PPARGC1A: variants seen among roughly 807,000 people sequenced by gnomAD.
The protein encoded by PPARGC1A is peroxisome proliferator-activated receptor gamma coactivator 1-alpha.
PPARGC1A carries 25 observed loss-of-function variants against 88.7 expected under a neutral mutation model. That is an observed-to-expected ratio of 0.28 (90% CI 0.21 to 0.39). PPARGC1A has a LOEUF of 0.39. Among genes scored for constraint, PPARGC1A ranks in the 10% least tolerant of loss-of-function variants. The pLI, the probability that PPARGC1A is intolerant of heterozygous loss-of-function variation, is 1.00. For missense variants in PPARGC1A, 880 were observed against 968.7 expected (o/e 0.91, Z 1.22); for synonymous variants, 363 against 355.6 (o/e 1.02, Z -0.24).
chr4:23,833,007 A>G (rs1470811749), intron 2 of PPARGC1A, among the ~76,000 whole-genome samples: 7 of 152,176 alleles, frequency 4.6e-5, no homozygotes, highest in African/African-American at 1.7e-4. Flanking sequence ...CTAATCTTCA[A>G]TCATTCACTT....
the PPARGC1A span, among the ~76,000 whole-genome samples, chr4:24,131,271 CT>C: frequency 6.6e-6 from 1 of 152,134 alleles, no homozygotes; most frequent in East Asian, 1.9e-4. Flanking sequence ...ATATCTAACA[CT>C]CAAAACACAA....
intron 10 of PPARGC1A, among the ~76,000 whole-genome samples, chr4:23,808,117 G>A (rs928685358): frequency 2.0e-5 from 3 of 151,986 alleles, no homozygotes; most frequent in African/African-American, 7.2e-5. Context: ...CGGGCGTGGT[G>A]GTGGATACCT....
At chr4:23,817,956 G>A (rs927233144) in intron 7 of PPARGC1A, among the ~76,000 whole-genome samples, 4 of 152,136 alleles carry the variant, frequency 2.6e-5, no homozygotes, top group African/African-American at 9.7e-5. Context: ...GCAACCCCTT[G>A]CTGCCTCTGA....
At chr4:24,029,283 C>A in the PPARGC1A span, among the ~76,000 whole-genome samples, 1 of 152,278 alleles carries the variant, frequency 6.6e-6, no homozygotes, top group East Asian at 1.9e-4. Context: ...TCCCATGAAG[C>A]CCATAAGTGG....
chr4:23,805,599 T>C (rs1414092838), intron 10 of PPARGC1A, among the ~76,000 whole-genome samples: 1 of 152,190 alleles, frequency 6.6e-6, no homozygotes, highest in Non-Finnish European at 1.5e-5. Flanking sequence ...AGACCATCGA[T>C]ACACACTTGA....
chr4:23,988,564 A>C, the PPARGC1A span, among the ~76,000 whole-genome samples: 1 of 152,110 alleles, frequency 6.6e-6, no homozygotes, highest in Admixed American at 6.6e-5. Flanking sequence ...CCTTTGAAAA[A>C]TACACTTGTT....
At chr4:23,978,190 G>A in the PPARGC1A span, among the ~76,000 whole-genome samples, 2 of 152,148 alleles carry the variant, frequency 1.3e-5, no homozygotes, top group African/African-American at 2.4e-5. Flanking sequence ...AGGAAATAAT[G>A]TATTCAACAG....
chr4:24,018,339 G>A, the PPARGC1A span, among the ~76,000 whole-genome samples: 1 of 151,284 alleles, frequency 6.6e-6, no homozygotes, highest in East Asian at 1.9e-4. Flanking sequence ...TGTTTAAAAT[G>A]TCACCAGTTA....
chr4:24,327,380 C>T, the PPARGC1A span, among the ~76,000 whole-genome samples: 12 of 152,192 alleles, frequency 7.9e-5, no homozygotes. Context: ...CTGATATCTC[C>T]TCGTGCTATC....
the PPARGC1A span, among the ~76,000 whole-genome samples, chr4:24,083,849 C>T: frequency 0.028 from 4,206 of 152,282 alleles, 184 homozygotes; most frequent in African/African-American, 0.094. Context: ...TCAAGGGCAG[C>T]GTCTGCATCT....
At chr4:23,845,397 G>T (rs2148637546) in intron 2 of PPARGC1A, among the ~76,000 whole-genome samples, 1 of 152,242 alleles carries the variant, frequency 6.6e-6, no homozygotes, top group East Asian at 1.9e-4. Flanking sequence ...TGCAGCTGCA[G>T]ATTCCTGACA....
the PPARGC1A span, among the ~76,000 whole-genome samples, chr4:24,373,378 A>G: frequency 6.6e-6 from 1 of 152,200 alleles, no homozygotes; most frequent in Admixed American, 6.5e-5. Context: ...TTCAGCACAA[A>G]GCTGTGAGTA....
intron 1 of PPARGC1A, chr4:23,889,454 A>G (rs375885350): frequency 1.2e-5 from 10 of 837,738 alleles, no homozygotes; most frequent in African/African-American, 3.7e-5. Context: ...AGAGGGGGGA[A>G]AAATCCGGAC....
chr4:24,314,349 C>A, the PPARGC1A span, among the ~76,000 whole-genome samples: 1 of 152,120 alleles, frequency 6.6e-6, no homozygotes, highest in Non-Finnish European at 1.5e-5. Flanking sequence ...GAGGGTTCTG[C>A]CCTCATGAGT....
the PPARGC1A span, among the ~76,000 whole-genome samples, chr4:24,438,871 T>C: frequency 6.6e-6 from 1 of 151,976 alleles, no homozygotes; most frequent in African/African-American, 2.4e-5. Flanking sequence ...CTGTGTCTCA[T>C]TAGTCAAATA....
chr4:24,355,905 A>C, the PPARGC1A span, among the ~76,000 whole-genome samples: 1 of 152,216 alleles, frequency 6.6e-6, no homozygotes, highest in Non-Finnish European at 1.5e-5. Flanking sequence ...ATAAGAGATA[A>C]TGAGTTTACG....
At chr4:23,944,663 A>C in the PPARGC1A span, among the ~76,000 whole-genome samples, 4 of 152,192 alleles carry the variant, frequency 2.6e-5, no homozygotes, top group Non-Finnish European at 4.4e-5. Flanking sequence ...AGGTAACTGA[A>C]TCAGAAGGGC....
chr4:23,800,396 C>T (rs760897793), intron 12 of PPARGC1A, among the ~76,000 whole-genome samples: 3 of 151,838 alleles, frequency 2.0e-5, no homozygotes, highest in Non-Finnish European at 4.4e-5. Flanking sequence ...TTAAGATGTC[C>T]ATTTTAGCAT....
At chr4:24,463,535 T>C in the PPARGC1A span, among the ~76,000 whole-genome samples, 1 of 152,326 alleles carries the variant, frequency 6.6e-6, no homozygotes, top group Middle Eastern at 3.4e-3. Flanking sequence ...TCCTAAGAGA[T>C]GGAACAAAGA....
Sources: gnomAD v4.1 joint callset for allele counts (sites outside exome capture counted in the v4.1 genomes callset) on GRCh38, gnomAD v4.1.1 for gene constraint, MANE v1.5 for transcripts, NCBI Gene and HGNC (gene_info 2026-07-23, HGNC 2026-07-21) for gene names.